CA10: variants seen among roughly 807,000 people sequenced by gnomAD.
CA10 encodes carbonic anhydrase-related protein 10.
Under a neutral mutation model 44.2 loss-of-function variants are expected in CA10, and 14 were observed. That is an observed-to-expected ratio of 0.32 (90% CI 0.21 to 0.50). The LOEUF (loss-of-function observed/expected upper bound fraction) is 0.50. Among genes scored for constraint, CA10 ranks in the 20% least tolerant of loss-of-function variants. CA10 has a pLI of 0.99. For missense variants in CA10, 350 were observed against 409.7 expected (o/e 0.85, Z 1.26); for synonymous variants, 159 against 141.6 (o/e 1.12, Z -0.87).
chr17:51,968,448 G>A (rs1478843008), intron 2 of CA10, among the ~76,000 whole-genome samples: 2 of 151,812 alleles, frequency 1.3e-5, no homozygotes, highest in Non-Finnish European at 2.9e-5. Flanking sequence ...CAAATACATT[G>A]CACTGAGCAA....
chr17:51,648,285 T>C (rs1913420096), intron 6 of CA10, among the ~76,000 whole-genome samples: 1 of 152,226 alleles, frequency 6.6e-6, no homozygotes, highest in Non-Finnish European at 1.5e-5. Flanking sequence ...GTTTGCCAAC[T>C]GTTTTTCACT....
chr17:51,892,585 T>C (rs1046568863), intron 3 of CA10, among the ~76,000 whole-genome samples: 5 of 152,210 alleles, frequency 3.3e-5, no homozygotes. Flanking sequence ...GATAATCTTG[T>C]TATGGCAAAC....
At chr17:52,094,931 A>G (rs1381272043) in intron 1 of CA10, among the ~76,000 whole-genome samples, 1 of 152,166 alleles carries the variant, frequency 6.6e-6, no homozygotes, top group Non-Finnish European at 1.5e-5. Context: ...AAAAACTACA[A>G]ATTTCATCTA....
At chr17:52,022,345 A>C (rs1436669921) in intron 2 of CA10, among the ~76,000 whole-genome samples, 5 of 152,128 alleles carry the variant, frequency 3.3e-5, no homozygotes, top group Non-Finnish European at 5.9e-5. Flanking sequence ...ACAGAATTAA[A>C]AACATAAATC....
At chr17:51,764,755 G>C (rs1905309420) in intron 3 of CA10, among the ~76,000 whole-genome samples, 2 of 152,202 alleles carry the variant, frequency 1.3e-5, no homozygotes, top group Non-Finnish European at 1.5e-5. Flanking sequence ...TGCCCACTAG[G>C]TGCTTTCAAG....
intron 3 of CA10, among the ~76,000 whole-genome samples, chr17:51,824,130 T>G (rs1907922530): frequency 6.6e-6 from 1 of 152,262 alleles, no homozygotes; most frequent in Non-Finnish European, 1.5e-5. Context: ...TAATAGGTGC[T>G]CAATAAATAT....
chr17:52,104,366 C>G (rs1381278893), intron 1 of CA10, among the ~76,000 whole-genome samples: 3 of 152,090 alleles, frequency 2.0e-5, no homozygotes, highest in African/African-American at 7.2e-5. Context: ...CCATGCCCAG[C>G]TAATTCTTGC....
chr17:51,719,681 G>GT (rs1916288158), intron 4 of CA10, among the ~76,000 whole-genome samples: 1 of 152,044 alleles, frequency 6.6e-6, no homozygotes. Flanking sequence ...GAGGCCAGGA[G>GT]TTTGAGACAA....
At chr17:51,887,073 A>C (rs1295786399) in intron 3 of CA10, among the ~76,000 whole-genome samples, 1 of 152,128 alleles carries the variant, frequency 6.6e-6, no homozygotes, top group East Asian at 1.9e-4. Flanking sequence ...GGCATCCCTA[A>C]TAATGTAAAC....
Position 51,863,812 on chromosome 17 carries a change from C to T in CA10, c.279+67178G>A, listed in dbSNP as rs112309855. On this transcript the variant is annotated intron_variant, in intron 3 of 8. Transcript: ENST00000451037. ...ATTCTAAATGTGAAACTCCCACCAT[C>T]CTCAAGGATATCTTACCCTCTTAGC... Among the ~76,000 whole-genome samples, 546 of 152,304 alleles carry T rather than the reference C, an allele frequency of 3.6e-3. 3 individuals are homozygous for T. The highest frequency in any genetic ancestry group is 0.013 in the African/African-American group (535 of 41,574).
At chr17:51,786,238 G>GTGTGTGTT (rs1906276724) in intron 3 of CA10, among the ~76,000 whole-genome samples, 1 of 151,616 alleles carries the variant, frequency 6.6e-6, no homozygotes, top group African/African-American at 2.4e-5. Flanking sequence ...GTGTGTGTGT[G>GTGTGTGTT]TGGTCTTTAG....
At chr17:51,661,501 G>A (rs1368439246) in intron 4 of CA10, 1 of 152,202 alleles carries the variant, frequency 6.6e-6, no homozygotes, top group East Asian at 1.9e-4. Flanking sequence ...AATACTCATA[G>A]CACTGTGTGA....
At chr17:51,632,433 G>C (rs1226333826) in intron 8 of CA10, among the ~76,000 whole-genome samples, 6 of 152,182 alleles carry the variant, frequency 3.9e-5, no homozygotes. Context: ...AGAGAAAAAA[G>C]AAGGGAACAA....
intron 3 of CA10, among the ~76,000 whole-genome samples, chr17:51,858,699 T>C (rs888112548): frequency 2.0e-5 from 3 of 152,226 alleles, no homozygotes; most frequent in Non-Finnish European, 4.4e-5. Flanking sequence ...TCTTGGTCCT[T>C]GCCTCTGCTG....
At chr17:51,885,477 C>A (rs891470543) in intron 3 of CA10, among the ~76,000 whole-genome samples, 1 of 150,572 alleles carries the variant, frequency 6.6e-6, no homozygotes, top group African/African-American at 2.5e-5. Context: ...CTCCCCTTCA[C>A]CCCCATCTAC....
chr17:51,825,077 C>G (rs764285023), intron 3 of CA10, among the ~76,000 whole-genome samples: 1 of 152,176 alleles, frequency 6.6e-6, no homozygotes, highest in Non-Finnish European at 1.5e-5. Flanking sequence ...CAAGAGGAAG[C>G]GTAAGTCTGC....
intron 2 of CA10, among the ~76,000 whole-genome samples, chr17:51,931,819 C>T (rs1390372732): frequency 6.6e-6 from 1 of 152,136 alleles, no homozygotes; most frequent in Non-Finnish European, 1.5e-5. Flanking sequence ...TTTTCAGTGT[C>T]ACATGAAAAC....
chr17:51,753,122 C>T (rs1044726058), intron 3 of CA10, among the ~76,000 whole-genome samples: 1 of 152,064 alleles, frequency 6.6e-6, no homozygotes. Context: ...ACCTGAAGGT[C>T]AAGGAAGTCC....
chr17:51,738,705 T>C (rs1384822342), intron 4 of CA10, among the ~76,000 whole-genome samples: 3 of 152,222 alleles, frequency 2.0e-5, no homozygotes, highest in Non-Finnish European at 2.9e-5. Flanking sequence ...GTTTTGAGGC[T>C]GACTCTATAG....
Sources: allele counts gnomAD v4.1 joint callset (sites outside exome capture counted in the v4.1 genomes callset), GRCh38; gene constraint gnomAD v4.1.1; transcripts MANE v1.5; gene names NCBI Gene and HGNC (gene_info 2026-07-23, HGNC 2026-07-21).